Variants in LNX1 observed in about 807,000 individuals in gnomAD.
LNX1 encodes E3 ubiquitin-protein ligase LNX.
A neutral mutation model predicts 68.4 loss-of-function variants in LNX1; 54 were observed. That is an observed-to-expected ratio of 0.79 (90% CI 0.63 to 0.99). The LOEUF (loss-of-function observed/expected upper bound fraction) is 0.99, where lower values mean the gene tolerates loss of function less well. Among genes scored for constraint, LNX1 ranks in the 50% least tolerant of loss-of-function variants. LNX1 has a pLI of 0.00. For missense variants in LNX1, 906 were observed against 926.4 expected (o/e 0.98, Z 0.29); for synonymous variants, 336 against 350.0 (o/e 0.96, Z 0.45).
chr4:53,608,814 A>G (rs1235567956), intron 2 of LNX1, among the ~76,000 whole-genome samples: 2 of 152,280 alleles, frequency 1.3e-5, no homozygotes, highest in African/African-American at 4.8e-5. Flanking sequence ...TTGCAACAAC[A>G]TGGAGAGAGC....
At chr4:53,561,994 T>C (rs930827980) in intron 2 of LNX1, among the ~76,000 whole-genome samples, 1 of 152,196 alleles carries the variant, frequency 6.6e-6, no homozygotes, top group African/African-American at 2.4e-5. Context: ...AATTCACGTA[T>C]GTTTTCAACT....
intron 1 of LNX1, among the ~76,000 whole-genome samples, chr4:53,582,368 A>C (rs1342367571): frequency 1.3e-5 from 2 of 152,210 alleles, no homozygotes; most frequent in Non-Finnish European, 2.9e-5. Context: ...AGAAGCAAAG[A>C]ATGTAACCTA....
chr4:53,498,855 A>G lies in LNX1; in HGVS notation c.776-12T>C. 6.2e-7 allele frequency: 1 copy of G among 1,607,336 alleles called. No individual in the cohort carries two copies. The highest frequency in any genetic ancestry group is 8.5e-7 in the Non-Finnish European group (1 of 1,174,886). ...CAACCTTGGAAAGACTGAAATGGAC[A>G]AAGAGTGTTTATTTAAGACACCCAC... On this transcript the variant is annotated splice_polypyrimidine_tract_variant and intron_variant, in intron 4 of 10. Coordinates refer to ENST00000263925, the MANE Select transcript of LNX1 (RefSeq NM_001126328.3).
intron 1 of LNX1, among the ~76,000 whole-genome samples, chr4:53,584,508 G>C (rs1217443701): frequency 6.6e-6 from 1 of 152,222 alleles, no homozygotes; most frequent in Non-Finnish European, 1.5e-5. Context: ...ATGTGGCCCA[G>C]AACAATCAAG....
At chr4:53,589,066 G>A (rs927008568) in intron 1 of LNX1, among the ~76,000 whole-genome samples, 2 of 152,208 alleles carry the variant, frequency 1.3e-5, no homozygotes, top group Admixed American at 6.5e-5. Context: ...CTGTGAGACT[G>A]GAGGAGACCA....
chr4:53,480,005 T>C (rs1723812911), intron 7 of LNX1, among the ~76,000 whole-genome samples: 1 of 152,248 alleles, frequency 6.6e-6, no homozygotes, highest in African/African-American at 2.4e-5. Flanking sequence ...TAGCATTCCT[T>C]AACTTTTTTA....
chr4:53,584,505 C>A (rs1382616076), intron 1 of LNX1, among the ~76,000 whole-genome samples: 4 of 152,068 alleles, frequency 2.6e-5, no homozygotes. Context: ...TGCATGTGGC[C>A]CAGAACAATC....
chr4:53,630,991 C>T (rs896632690), intron 1 of LNX1, among the ~76,000 whole-genome samples: 2 of 152,124 alleles, frequency 1.3e-5, no homozygotes, highest in African/African-American at 4.8e-5. Context: ...CTGGGCAAGC[C>T]GGTCAGGTAA....
chr4:53,575,999 C>T, intron 1 of LNX1: 2 of 1,562,296 alleles, frequency 1.3e-6, no homozygotes, highest in Admixed American at 1.9e-5. Context: ...CTCCAGCAGG[C>T]CCTCCATCTT....
In LNX1 at chr4:53,601,099, GAGGGA is replaced by G. The variant is rs372499050; in HGVS notation, c.-214-9589_-214-9585del. Among the ~76,000 whole-genome samples, 284 of 140,410 alleles carry G rather than the reference GAGGGA, an allele frequency of 2.0e-3. 2 individuals carry two copies. Among genetic ancestry groups the G allele is most frequent in the South Asian group, 5.1e-3 (21 of 4,080 alleles). The allele number at this position is 140,410 out of a possible 152,430, so 92.1% of individuals were successfully genotyped here. A position where few individuals can be genotyped will look rare whatever the true frequency, so the allele number is the denominator to read the frequency against. ...CAAGAAAGAAAGAAAGAAAGGGAGG[GAGGGA>G]GGGGGGGAGGGAAGGAAAATATCTG... On this transcript the variant is annotated intron_variant, in intron 2 of 3. Coordinates refer to the LNX1 transcript ENST00000504299.
chr4:53,472,560 A>G (rs1238715873), intron 9 of LNX1, among the ~76,000 whole-genome samples: 1 of 152,046 alleles, frequency 6.6e-6, no homozygotes, highest in African/African-American at 2.4e-5. Flanking sequence ...GTGAAATCTT[A>G]CAACATGCCT....
At chr4:53,518,535 C>T (rs1322676922) in intron 2 of LNX1, among the ~76,000 whole-genome samples, 1 of 152,166 alleles carries the variant, frequency 6.6e-6, no homozygotes, top group Non-Finnish European at 1.5e-5. Context: ...CTTACAGTGC[C>T]CTCACCAGAG....
At chr4:53,538,469 G>C (rs1728529129) in intron 2 of LNX1, among the ~76,000 whole-genome samples, 1 of 152,178 alleles carries the variant, frequency 6.6e-6, no homozygotes, top group Non-Finnish European at 1.5e-5. Flanking sequence ...ATGAGACTAG[G>C]ACCCCTGCTT....
intron 5 of LNX1, among the ~76,000 whole-genome samples, chr4:53,497,870 A>G (rs905697895): frequency 6.6e-6 from 1 of 152,236 alleles, no homozygotes; most frequent in Non-Finnish European, 1.5e-5. Flanking sequence ...ATAATGTGAC[A>G]GGAGCCGGTC....
intron 9 of LNX1, among the ~76,000 whole-genome samples, chr4:53,470,157 T>C (rs2150568538): frequency 6.6e-6 from 1 of 152,344 alleles, no homozygotes. Flanking sequence ...TCAAGTGGGC[T>C]TCATCCCTGG....
intron 9 of LNX1, among the ~76,000 whole-genome samples, chr4:53,463,282 A>ATGTT (rs1360737993): frequency 2.6e-5 from 4 of 152,112 alleles, no homozygotes; most frequent in Non-Finnish European, 4.4e-5. Flanking sequence ...CTTTCTGCAG[A>ATGTT]TGTTTAAACA....
chr4:53,635,305 T>A (rs1734430466), intron 1 of LNX1, among the ~76,000 whole-genome samples: 1 of 152,114 alleles, frequency 6.6e-6, no homozygotes, highest in Non-Finnish European at 1.5e-5. Flanking sequence ...TTGAACTAGA[T>A]CCCCCCTTCC....
chr4:53,561,426 C>T (rs1403903814), intron 2 of LNX1, among the ~76,000 whole-genome samples: 4 of 152,176 alleles, frequency 2.6e-5, no homozygotes, highest in African/African-American at 7.2e-5. Context: ...TGGGGTTTCA[C>T]TGTGTTGGCC....
chr4:53,496,894 T>A (rs1238248855), intron 5 of LNX1, among the ~76,000 whole-genome samples: 1 of 152,124 alleles, frequency 6.6e-6, no homozygotes, highest in Non-Finnish European at 1.5e-5. Flanking sequence ...TGTGTGTGTA[T>A]GTAGATGTGA....
Sources: gnomAD v4.1 joint callset for allele counts (sites outside exome capture counted in the v4.1 genomes callset) on GRCh38, gnomAD v4.1.1 for gene constraint, MANE v1.5 for transcripts, NCBI Gene and HGNC (gene_info 2026-07-23, HGNC 2026-07-21) for gene names.